The following SPON1 variants were observed in gnomAD, a reference collection of about 807,000 sequenced individuals.
SPON1 encodes the protein spondin 1.
SPON1 carries 52 observed loss-of-function variants against 111.7 expected under a neutral mutation model. The observed-to-expected ratio is 0.47, with a 90% CI of 0.37 to 0.59. SPON1 has a LOEUF of 0.59. Among genes scored for constraint, SPON1 ranks in the 20% least tolerant of loss-of-function variants. The pLI is 0.00. For synonymous variants in SPON1, 410 were observed against 395.8 expected, an observed-to-expected ratio of 1.04 and a Z score of -0.43; for missense variants, 957 against 1,068.5, an observed-to-expected ratio of 0.90 and a Z score of 1.46.
intron 2 of SPON1, among the ~76,000 whole-genome samples, chr11:14,015,529 C>T (rs561001472): frequency 6.6e-6 from 1 of 152,290 alleles, no homozygotes; most frequent in Admixed American, 6.5e-5. Flanking sequence ...GACATTCAGA[C>T]CATAGCCACA....
rs1554941636 is a variant in SPON1, at chr11:14,259,392, C to T, written c.1605C>T (p.Gly535=). ...ATGTGAAGCAGTTCCCGGAGGACGGCTCCGTGTGCACGCTGCCCACTGAGG... is the reference window on the plus strand; with the variant it reads ...ATGTGAAGCAGTTCCCGGAGGACGGTTCCGTGTGCACGCTGCCCACTGAGG... ...ERYVKQFPED[G]SVCTLPTEET... Residue 535 remains glycine (G), a synonymous_variant, in exon 12 of 16, where the codon GGC becomes GGT. Coordinates refer to ENST00000576479, the MANE Select transcript of SPON1 (RefSeq NM_006108.4). This position sits in a 1 kb window ranked among gnomAD's most constrained non-coding sequence, Gnocchi z 5.0. The T allele has an allele frequency of 1.2e-6, 2 of 1,611,602 alleles. No homozygotes were observed. Among genetic ancestry groups the T allele is most frequent in the African/African-American group, 2.7e-5 (2 of 74,888 alleles).
chr11:13,979,355 G>C (rs1001463056), intron 1 of SPON1, among the ~76,000 whole-genome samples: 2 of 152,164 alleles, frequency 1.3e-5, no homozygotes, highest in African/African-American at 4.8e-5. Context: ...TTAACAAACT[G>C]CATCTGCAAA....
At chr11:14,022,398 C>T (rs1554914860) in intron 2 of SPON1, among the ~76,000 whole-genome samples, 1 of 152,184 alleles carries the variant, frequency 6.6e-6, no homozygotes, top group African/African-American at 2.4e-5. Context: ...ATTACTTACT[C>T]ATACATTGAT....
In SPON1 at chr11:14,135,490, A is replaced by G. The variant is rs1554927976; in HGVS notation, c.747A>G (p.Gly249=). 6.2e-7 allele frequency: 1 copy of G among 1,613,968 alleles called. No individual in the cohort carries two copies. Among genetic ancestry groups the G allele is most frequent in the South Asian group, 1.1e-5 (1 of 91,082 alleles). ...AGAATTATGTACTGTGGGAATATGG[A>G]GGATATGCCAGCGAAGGCGTCAAAC... ...HSKNYVLWEY[G]GYASEGVKQV... The change falls in exon 6 of 16, where the codon GGA becomes GGG. Residue 249 remains glycine, a synonymous_variant. Transcript: ENST00000576479. The surrounding 1 kb of genome is among the most constrained non-coding windows in gnomAD (Gnocchi z 4.4).
At chr11:14,169,409 G>A (rs1223966278) in intron 6 of SPON1, among the ~76,000 whole-genome samples, 15 of 151,884 alleles carry the variant, frequency 9.9e-5, no homozygotes, top group Non-Finnish European at 1.9e-4. Flanking sequence ...CCCTTTGTCA[G>A]ATGAGTAGGT....
intron 3 of SPON1, among the ~76,000 whole-genome samples, chr11:14,068,199 T>A (rs1364475283): frequency 5.9e-5 from 9 of 152,208 alleles, no homozygotes; most frequent in Non-Finnish European, 1.3e-4. Context: ...ACAAGTTATA[T>A]GATGAAGTTG....
intron 6 of SPON1, among the ~76,000 whole-genome samples, chr11:14,223,026 A>G (rs1185139664): frequency 6.6e-6 from 1 of 152,186 alleles, no homozygotes; most frequent in Non-Finnish European, 1.5e-5. Flanking sequence ...AGCCTCTCAG[A>G]AGTAAGGTTG....
At chr11:14,081,493 A>C (rs1181106496) in intron 5 of SPON1, among the ~76,000 whole-genome samples, 2 of 152,058 alleles carry the variant, frequency 1.3e-5, no homozygotes, top group Non-Finnish European at 2.9e-5. Context: ...ATTTGCCCAC[A>C]TTGAGATGTA....
intron 6 of SPON1, among the ~76,000 whole-genome samples, chr11:14,173,307 C>T (rs868917519): frequency 1.2e-4 from 18 of 152,178 alleles, no homozygotes; most frequent in African/African-American, 3.1e-4. Context: ...CTTGTGCATT[C>T]GTCACGTAGT....
intron 15 of SPON1, among the ~76,000 whole-genome samples, chr11:14,265,181 C>T (rs1849250001): frequency 2.0e-5 from 3 of 152,178 alleles, no homozygotes; most frequent in African/African-American, 7.2e-5. Flanking sequence ...CTCCAGTGGT[C>T]TAGCCAGGCT....
intron 5 of SPON1, among the ~76,000 whole-genome samples, chr11:14,111,821 T>C (rs536000943): frequency 6.6e-6 from 1 of 152,304 alleles, no homozygotes; most frequent in African/African-American, 2.4e-5. Flanking sequence ...AGTACTTACT[T>C]AAGCTATACT....
chr11:14,215,669 G>A (rs1435587354), intron 6 of SPON1, among the ~76,000 whole-genome samples: 1 of 152,254 alleles, frequency 6.6e-6, no homozygotes, highest in Non-Finnish European at 1.5e-5. Context: ...AATGGGAGGA[G>A]TGTCCAAGAA....
intron 6 of SPON1, among the ~76,000 whole-genome samples, chr11:14,147,676 C>G (rs539310222): frequency 6.6e-6 from 1 of 152,026 alleles, no homozygotes; most frequent in Non-Finnish European, 1.5e-5. Context: ...CTTGGCCTCC[C>G]AAAGTGCTGG....
chr11:14,020,613 G>C (rs1026033527), intron 2 of SPON1, among the ~76,000 whole-genome samples: 1 of 152,206 alleles, frequency 6.6e-6, no homozygotes, highest in Non-Finnish European at 1.5e-5. Context: ...ATGTAAGTAC[G>C]AGGATGTTGA....
intron 2 of SPON1, among the ~76,000 whole-genome samples, chr11:14,039,126 A>G (rs577042504): frequency 1.6e-4 from 24 of 152,350 alleles, no homozygotes; most frequent in Non-Finnish European, 2.4e-4. Flanking sequence ...TTCCAATTCT[A>G]TGACATTCAG....
At chr11:14,058,374 C>T (rs1453618272) in intron 3 of SPON1, among the ~76,000 whole-genome samples, 8 of 152,086 alleles carry the variant, frequency 5.3e-5, no homozygotes, top group African/African-American at 1.4e-4. Flanking sequence ...ATGAGCCAGT[C>T]AACAGGCAGC....
chr11:13,994,326 T>G (rs944023352), intron 2 of SPON1, among the ~76,000 whole-genome samples: 17 of 152,330 alleles, frequency 1.1e-4, no homozygotes, highest in African/African-American at 4.1e-4. Context: ...CATAAAACTT[T>G]TTCTCATTTG....
intron 6 of SPON1, among the ~76,000 whole-genome samples, chr11:14,225,109 G>A (rs1288795511): frequency 6.6e-6 from 1 of 152,110 alleles, no homozygotes; most frequent in African/African-American, 2.4e-5. Flanking sequence ...TCACAGCAGG[G>A]CCCAGCTGCA....
At chr11:14,242,632 G>A (rs780433534) in intron 6 of SPON1, among the ~76,000 whole-genome samples, 13 of 152,216 alleles carry the variant, frequency 8.5e-5, no homozygotes, top group Non-Finnish European at 1.8e-4. Flanking sequence ...AATCAACAAA[G>A]TTCTGATTTT....
Sources: allele counts gnomAD v4.1 joint callset (sites outside exome capture counted in the v4.1 genomes callset), GRCh38; gene constraint gnomAD v4.1.1; non-coding constraint Gnocchi (gnomAD v3.1); transcripts MANE v1.5; gene names NCBI Gene and HGNC (gene_info 2026-07-23, HGNC 2026-07-21).